The following RAB3IL1 variants were observed in gnomAD, a reference collection of about 807,000 sequenced individuals.
RAB3IL1 encodes the protein RAB3A interacting protein like 1, also known as guanine nucleotide exchange factor for Rab-3A.
RAB3IL1 carries 37 observed loss-of-function variants against 49.2 expected under a neutral mutation model. That is an observed-to-expected ratio of 0.75 (90% confidence interval 0.58 to 0.99). The LOEUF is 0.99. RAB3IL1 is among the 50% of genes least tolerant of loss of function. The pLI is 0.00. For missense variants in RAB3IL1, 484 were observed against 513.0 expected, an observed-to-expected ratio of 0.94 and a Z score of 0.55; for synonymous variants, 193 against 213.9, an observed-to-expected ratio of 0.90 and a Z score of 0.85.
At position 61,917,352 on chromosome 11, in the gene RAB3IL1, C is replaced by A. The variant is rs1464942190; in HGVS notation, c.11+5G>T. 3.9e-6 allele frequency: 5 copies of A among 1,280,270 alleles called. No individual in the cohort carries two copies. Among genetic ancestry groups the A allele is most frequent in the Non-Finnish European group, 3.9e-6 (4 of 1,014,920 alleles). 79.3% of individuals were successfully genotyped at this position (1,280,270 alleles called of 1,614,324 possible). On this transcript the variant is annotated splice_donor_5th_base_variant and intron_variant, in intron 1 of 9. Coordinates refer to ENST00000394836, the MANE Select transcript of RAB3IL1 (RefSeq NM_013401.4). ...GCGCGGGACCGCGAGCGCGCGCGGACCTACCCGCTCCACATCCCGGCGCCT... is the reference window on the plus strand; with the variant it reads ...GCGCGGGACCGCGAGCGCGCGCGGAACTACCCGCTCCACATCCCGGCGCCT...
chr11:61,940,659 A>T, the RAB3IL1 span, among the ~76,000 whole-genome samples: 2 of 151,846 alleles, frequency 1.3e-5, no homozygotes, highest in East Asian at 3.9e-4. Flanking sequence ...GCGGTGGCTC[A>T]CGCCTGTAAT....
the RAB3IL1 span, among the ~76,000 whole-genome samples, chr11:61,926,104 CAAAAAAAAA>C: frequency 9.4e-5 from 6 of 64,066 alleles, no homozygotes; most frequent in South Asian, 6.8e-4. Flanking sequence ...TCCTTCCTGC[CAAAAAAAAA>C]AAAAAAAAAA....
chr11:61,902,073 G>C (rs556268907), intron 8 of RAB3IL1, among the ~76,000 whole-genome samples: 53 of 152,310 alleles, frequency 3.5e-4, no homozygotes, highest in African/African-American at 1.3e-3. Context: ...CCAGCACTTT[G>C]GGAGGCCGAG....
chr11:61,919,917 CACCAAA>C, upstream of RAB3IL1: 1 of 603,216 alleles, frequency 1.7e-6, no homozygotes, highest in Non-Finnish European at 2.4e-6. Context: ...TCTGTACAGC[CACCAAA>C]TTGGACAAGA....
At chr11:61,941,173 T>C in the RAB3IL1 span, among the ~76,000 whole-genome samples, 1 of 151,650 alleles carries the variant, frequency 6.6e-6, no homozygotes, top group Non-Finnish European at 1.5e-5. Flanking sequence ...TATAGAACAC[T>C]ATGAAAAATT....
intron 8 of RAB3IL1, among the ~76,000 whole-genome samples, chr11:61,899,946 G>C (rs920129485): frequency 3.3e-5 from 5 of 152,230 alleles, no homozygotes; most frequent in African/African-American, 9.6e-5. Context: ...TGTTGGCTCA[G>C]ACACTGCTAT....
the RAB3IL1 span, among the ~76,000 whole-genome samples, chr11:61,941,684 G>A: frequency 5.0e-3 from 763 of 152,118 alleles, 11 homozygotes; most frequent in African/African-American, 0.017. Flanking sequence ...CCCAGGAGGC[G>A]GAGCTTGCAG....
intron 8 of RAB3IL1, among the ~76,000 whole-genome samples, chr11:61,900,934 G>A (rs1041117604): frequency 3.3e-5 from 5 of 152,016 alleles, no homozygotes; most frequent in Admixed American, 1.3e-4. Context: ...AAGGCTCAGT[G>A]GGCACAAATC....
At chr11:61,902,633 A>C (rs2136025782) in intron 7 of RAB3IL1, 92 bp from the exon 8 acceptor site, 3 of 1,172,872 alleles carry the variant, frequency 2.6e-6, no homozygotes, top group Non-Finnish European at 3.7e-6. Flanking sequence ...AGCTGAGAGG[A>C]TGCATGGGGA....
Position 61,898,989 on chromosome 11 carries a change from A to T in RAB3IL1, c.1066+325T>A. 1 of 517,746 alleles carries T rather than the reference A, an allele frequency of 1.9e-6. No individual in the cohort carries two copies. Among genetic ancestry groups the T allele is most frequent in the Admixed American group, 2.3e-5 (1 of 43,906 alleles). The allele number at this position is 517,746 out of a possible 1,614,324, so 32.1% of individuals were successfully genotyped here. The stretch of plus-strand genomic sequence containing the variant: ...CCAGCATGGAGTGGAGTGGGAGCAA[A>T]GGCTGGAGGTGGGTGACCCTGTGTT... On this transcript the variant is annotated intron_variant, in intron 9 of 9. Coordinates refer to ENST00000394836, the MANE Select transcript of RAB3IL1 (RefSeq NM_013401.4). The surrounding 1 kb of genome is among the most constrained non-coding windows in gnomAD (Gnocchi z 5.1).
At chr11:61,944,003 T>G in the RAB3IL1 span, among the ~76,000 whole-genome samples, 137,803 of 152,260 alleles carry the variant, frequency 0.91, 63,133 homozygotes, top group Non-Finnish European at 0.96. Flanking sequence ...TCCTTTTGAA[T>G]TGTAAGCAAT....
At chr11:61,939,777 C>T in the RAB3IL1 span, among the ~76,000 whole-genome samples, 3 of 151,920 alleles carry the variant, frequency 2.0e-5, no homozygotes, top group Admixed American at 2.0e-4. Flanking sequence ...ATAAGGAAAC[C>T]TTGTCTCTGC....
chr11:61,924,107 A>G (rs1404349256), upstream of RAB3IL1, among the ~76,000 whole-genome samples: 1 of 152,226 alleles, frequency 6.6e-6, no homozygotes, highest in East Asian at 1.9e-4. Context: ...AAGATTCACA[A>G]CAGACCTCCT....
At position 61,902,548 on chromosome 11, in the gene RAB3IL1, G is replaced by A. The variant is rs1225543542; in HGVS notation, c.900-7C>T. 3 of 1,593,584 alleles carry A rather than the reference G, an allele frequency of 1.9e-6. No individual in the cohort carries two copies. The highest frequency in any genetic ancestry group is 1.8e-5 in the Admixed American group (1 of 55,220). On this transcript the variant is annotated splice_polypyrimidine_tract_variant and splice_region_variant and intron_variant, in intron 7 of 9. Coordinates refer to ENST00000394836, the MANE Select transcript of RAB3IL1 (RefSeq NM_013401.4). The stretch of plus-strand genomic sequence containing the variant: ...CCCGCTCAGGGCACATGTGCTAGGG[G>A]AAAGCAAAATGGGTCACGGGGGCTG...
chr11:61,938,275 C>A, the RAB3IL1 span, among the ~76,000 whole-genome samples: 55,292 of 151,958 alleles, frequency 0.36, 10,411 homozygotes, highest in South Asian at 0.64. Context: ...GTGGCACACA[C>A]CTGTAGTCCC....
the RAB3IL1 span, among the ~76,000 whole-genome samples, chr11:61,934,450 G>GTA: frequency 0.012 from 375 of 31,392 alleles, no homozygotes; most frequent in Admixed American, 0.03. Context: ...GTGTGTGTAT[G>GTA]TATATATATA....
the RAB3IL1 span, among the ~76,000 whole-genome samples, chr11:61,938,463 C>T: frequency 6.6e-6 from 1 of 151,910 alleles, no homozygotes; most frequent in Admixed American, 6.6e-5. Flanking sequence ...AAAAATAGAC[C>T]TCAAGGCAAA....
At chr11:61,917,677 C>G, upstream of RAB3IL1, 1 of 628,812 alleles carries the variant, frequency 1.6e-6, no homozygotes, top group Non-Finnish European at 2.0e-6. Context: ...CGGCCCGCCG[C>G]GCCGGGACAG....
At chr11:61,904,948 C>A (rs1939112306) in intron 5 of RAB3IL1, 66 bp from the exon 6 acceptor site, 1 of 1,277,182 alleles carries the variant, frequency 7.8e-7, no homozygotes, top group Admixed American at 2.2e-5. Context: ...AAGATGCAGG[C>A]TGAGCTGAAG....
Sources: allele counts gnomAD v4.1 joint callset (sites outside exome capture counted in the v4.1 genomes callset), GRCh38; gene constraint gnomAD v4.1.1; non-coding constraint Gnocchi (gnomAD v3.1); transcripts MANE v1.5; gene names NCBI Gene and HGNC (gene_info 2026-07-23, HGNC 2026-07-21).